Variants in ERC2 observed in about 807,000 individuals in gnomAD.
ERC2 encodes ERC protein 2.
A neutral mutation model predicts 114.8 loss-of-function variants in ERC2; 42 were observed. The observed-to-expected ratio is 0.37, with a 90% confidence interval of 0.29 to 0.47. The LOEUF is 0.47. Ranked by LOEUF, ERC2 falls within the 20% of genes least tolerant of loss-of-function variation. The pLI is 0.99. For missense variants in ERC2, 939 were observed against 1,150.7 expected (o/e 0.82, Z 2.66); for synonymous variants, 454 against 425.5 (o/e 1.07, Z -0.82).
chr3:55,723,374 T>C (rs1026470521), intron 15 of ERC2, among the ~76,000 whole-genome samples: 6 of 152,160 alleles, frequency 3.9e-5, no homozygotes, highest in Non-Finnish European at 1.5e-5. Flanking sequence ...ATTTCTATGA[T>C]AAAAGATGTA....
intron 2 of ERC2, among the ~76,000 whole-genome samples, chr3:56,427,562 T>C (rs2061619771): frequency 6.6e-6 from 1 of 152,198 alleles, no homozygotes; most frequent in African/African-American, 2.4e-5. Context: ...TCTCTGGAGA[T>C]AGGGTCTTTA....
At chr3:56,460,303 T>C (rs1390262918) in intron 1 of ERC2, among the ~76,000 whole-genome samples, 2 of 152,082 alleles carry the variant, frequency 1.3e-5, no homozygotes, top group African/African-American at 4.8e-5. Flanking sequence ...TCTCTAGTGA[T>C]AATTTAGCAG....
At chr3:56,311,269 A>G (rs796506838) in intron 2 of ERC2, among the ~76,000 whole-genome samples, 11 of 132,254 alleles carry the variant, frequency 8.3e-5, no homozygotes, top group Admixed American at 7.7e-4. Flanking sequence ...ATATATATAT[A>G]TATATATATA....
chr3:56,324,201 T>C (rs1052353115), intron 2 of ERC2, among the ~76,000 whole-genome samples: 4 of 152,146 alleles, frequency 2.6e-5, no homozygotes, highest in Admixed American at 1.3e-4. Flanking sequence ...GATTAAAGGA[T>C]GACTAAGGAA....
intron 16 of ERC2, among the ~76,000 whole-genome samples, chr3:55,698,800 G>A (rs934353333): frequency 1.3e-5 from 2 of 152,106 alleles, no homozygotes; most frequent in Non-Finnish European, 2.9e-5. Context: ...TGTAAATATT[G>A]CTGTAAAACC....
At chr3:55,562,061 T>C (rs761515879) in intron 17 of ERC2, among the ~76,000 whole-genome samples, 3 of 152,208 alleles carry the variant, frequency 2.0e-5, no homozygotes, top group Non-Finnish European at 4.4e-5. Flanking sequence ...AGCATCTTGA[T>C]AGCATCGCCT....
At chr3:55,659,539 A>C (rs2061029507) in intron 17 of ERC2, among the ~76,000 whole-genome samples, 1 of 147,726 alleles carries the variant, frequency 6.8e-6, no homozygotes. Context: ...TCTGTGCTCC[A>C]CTCACTCCCC....
intron 10 of ERC2, among the ~76,000 whole-genome samples, chr3:56,004,558 T>C (rs891042840): frequency 6.6e-6 from 1 of 152,076 alleles, no homozygotes; most frequent in African/African-American, 2.4e-5. Flanking sequence ...CACAAACTTT[T>C]ATGTAAAAAC....
intron 15 of ERC2, among the ~76,000 whole-genome samples, chr3:55,715,447 T>G (rs2064061874): frequency 6.6e-6 from 1 of 152,266 alleles, no homozygotes; most frequent in South Asian, 2.1e-4. Context: ...GCTAAAGTCA[T>G]GCAAAAAAAT....
intron 17 of ERC2, among the ~76,000 whole-genome samples, chr3:55,544,786 G>A (rs1172226262): frequency 6.6e-6 from 1 of 152,088 alleles, no homozygotes. Flanking sequence ...AATCATCATA[G>A]CAATGGATGC....
chr3:55,591,574 C>G (rs5849106), intron 17 of ERC2, among the ~76,000 whole-genome samples: 2 of 148,152 alleles, frequency 1.3e-5, no homozygotes, highest in African/African-American at 5.0e-5. Flanking sequence ...AGTTTGTGTG[C>G]GTGTGTGTGT....
chr3:55,630,200 G>A (rs908812344), intron 17 of ERC2, among the ~76,000 whole-genome samples: 3 of 152,098 alleles, frequency 2.0e-5, no homozygotes, highest in Non-Finnish European at 4.4e-5. Flanking sequence ...ACGGAGTTTC[G>A]CTCTTGTCGC....
At chr3:56,340,698 T>C (rs1345717027) in intron 2 of ERC2, among the ~76,000 whole-genome samples, 1 of 152,136 alleles carries the variant, frequency 6.6e-6, no homozygotes, top group Non-Finnish European at 1.5e-5. Context: ...ACCAAACTCG[T>C]GCCCTGAGGA....
chr3:55,578,555 C>T (rs369815726), intron 17 of ERC2, among the ~76,000 whole-genome samples: 39 of 152,326 alleles, frequency 2.6e-4, no homozygotes, highest in African/African-American at 8.9e-4. Context: ...AACTTCTCTC[C>T]TTATAAAAAA....
chr3:55,684,196 A>T (rs2062208484), intron 16 of ERC2, among the ~76,000 whole-genome samples: 2 of 152,330 alleles, frequency 1.3e-5, no homozygotes, highest in Middle Eastern at 3.4e-3. Flanking sequence ...TGAATTGCAT[A>T]TGCCTAAGGA....
chr3:56,042,574 C>T (rs1049345271), intron 7 of ERC2, among the ~76,000 whole-genome samples: 3 of 152,134 alleles, frequency 2.0e-5, no homozygotes, highest in African/African-American at 7.2e-5. Context: ...ACTATACAAG[C>T]TCTACCAAAG....
chr3:56,368,451 T>G (rs1336610966), intron 2 of ERC2, among the ~76,000 whole-genome samples: 1 of 152,146 alleles, frequency 6.6e-6, no homozygotes, highest in African/African-American at 2.4e-5. Context: ...GACAAAAGAT[T>G]AAACTGTAGG....
At chr3:55,633,348 G>A (rs2059831942) in intron 17 of ERC2, among the ~76,000 whole-genome samples, 1 of 152,150 alleles carries the variant, frequency 6.6e-6, no homozygotes, top group Non-Finnish European at 1.5e-5. Flanking sequence ...CTGCACTGTG[G>A]GCTTTAAGAA....
intron 8 of ERC2, among the ~76,000 whole-genome samples, chr3:56,013,620 A>G (rs555099437): frequency 1.3e-5 from 2 of 152,178 alleles, no homozygotes; most frequent in Non-Finnish European, 2.9e-5. Flanking sequence ...ATGTCTCTCT[A>G]GGCCCAGAAA....
Sources: gnomAD v4.1 joint callset for allele counts (sites outside exome capture counted in the v4.1 genomes callset) on GRCh38, gnomAD v4.1.1 for gene constraint, MANE v1.5 for transcripts, NCBI Gene and HGNC (gene_info 2026-07-23, HGNC 2026-07-21) for gene names.